Variants in USP15 observed in about 807,000 individuals in gnomAD.
The protein encoded by USP15 is ubiquitin carboxyl-terminal hydrolase 15.
Under a neutral mutation model 127.1 loss-of-function variants are expected in USP15, and 18 were observed. That is an observed-to-expected ratio of 0.14 (90% CI 0.10 to 0.21). The LOEUF (loss-of-function observed/expected upper bound fraction) is 0.21, where lower values mean the gene tolerates loss of function less well. USP15 is among the 10% of genes least tolerant of loss of function. The pLI, the probability that USP15 is intolerant of heterozygous loss-of-function variation, is 1.00. For synonymous variants in USP15, 364 were observed against 393.7 expected (o/e 0.92, Z 0.89); for missense variants, 805 against 1,159.9 (o/e 0.69, Z 4.44).
chr12:62,347,303 G>T (rs1210579335), intron 6 of USP15, among the ~76,000 whole-genome samples: 3 of 150,914 alleles, frequency 2.0e-5, no homozygotes, highest in Non-Finnish European at 4.4e-5. Flanking sequence ...GTGTGTGTGT[G>T]TACATATATA....
At chr12:62,275,345 C>T (rs1229048961) in intron 1 of USP15, among the ~76,000 whole-genome samples, 1 of 150,530 alleles carries the variant, frequency 6.6e-6, no homozygotes, top group Non-Finnish European at 1.5e-5. Context: ...CTATGTAATA[C>T]ATTTAAGCAA....
chr12:62,392,940 A>T, intron 18 of USP15, 113 bp from the exon 19 acceptor site: 1 of 1,186,120 alleles, frequency 8.4e-7, no homozygotes, highest in East Asian at 2.4e-5. Flanking sequence ...TAGGCATACT[A>T]TAATTGCCCA....
intron 4 of USP15, among the ~76,000 whole-genome samples, chr12:62,320,151 C>G (rs2064944830): frequency 6.6e-6 from 1 of 152,194 alleles, no homozygotes; most frequent in South Asian, 2.1e-4. Context: ...TGTTCCCACC[C>G]AAATCTCATG....
chr12:62,385,206 A>T (rs550994697), intron 11 of USP15, among the ~76,000 whole-genome samples: 1 of 151,946 alleles, frequency 6.6e-6, no homozygotes, highest in Non-Finnish European at 1.5e-5. Context: ...ATTCATCAAG[A>T]TACTTAACTA....
intron 8 of USP15, among the ~76,000 whole-genome samples, chr12:62,377,960 AC>A (rs1281816771): frequency 6.6e-6 from 1 of 152,070 alleles, no homozygotes; most frequent in Non-Finnish European, 1.5e-5. Context: ...TAATCCCAGC[AC>A]TTTGGGAAGC....
chr12:62,338,358 T>C (rs1346196811), intron 6 of USP15, among the ~76,000 whole-genome samples: 1 of 152,216 alleles, frequency 6.6e-6, no homozygotes, highest in African/African-American at 2.4e-5. Flanking sequence ...TTATGTTCCT[T>C]GTAGATTCTG....
intron 8 of USP15, among the ~76,000 whole-genome samples, chr12:62,367,366 G>A (rs2066513147): frequency 6.6e-6 from 1 of 152,016 alleles, no homozygotes; most frequent in Non-Finnish European, 1.5e-5. Context: ...CGAGTAGCTG[G>A]GACTCCAGGC....
intron 8 of USP15, among the ~76,000 whole-genome samples, chr12:62,373,983 A>T (rs1338165838): frequency 6.6e-6 from 1 of 152,006 alleles, no homozygotes; most frequent in Non-Finnish European, 1.5e-5. Context: ...GCATTACAGA[A>T]CTAGAGCCAA....
chr12:62,327,777 A>G (rs78241067), intron 6 of USP15: 13,264 of 357,980 alleles, frequency 0.037, 317 homozygotes, highest in African/African-American at 0.057. Flanking sequence ...ATTGGTGAAT[A>G]CAGGTGCTGT....
intron 1 of USP15, among the ~76,000 whole-genome samples, chr12:62,262,697 T>C (rs2063103118): frequency 6.6e-6 from 1 of 152,146 alleles, no homozygotes; most frequent in African/African-American, 2.4e-5. Flanking sequence ...ATAGGTACAG[T>C]GTCTCACTAT....
chr12:62,381,446 C>A (rs770365934), intron 8 of USP15, 44 bp from the exon 9 acceptor site: 2 of 1,498,028 alleles, frequency 1.3e-6, no homozygotes, highest in South Asian at 2.6e-5. Context: ...AAGAAAAATT[C>A]ATTATGATTA....
At chr12:62,401,726 T>G (rs966675356) in intron 21 of USP15, among the ~76,000 whole-genome samples, 3 of 151,700 alleles carry the variant, frequency 2.0e-5, no homozygotes, top group African/African-American at 7.3e-5. Flanking sequence ...TAAAACAAAT[T>G]ACAGATTTAT....
At chr12:62,374,115 C>A (rs956444491) in intron 8 of USP15, among the ~76,000 whole-genome samples, 3 of 151,918 alleles carry the variant, frequency 2.0e-5, no homozygotes, top group African/African-American at 7.2e-5. Flanking sequence ...TTCCATCTAA[C>A]CTTAAAATCC....
At chr12:62,264,182 C>T (rs2063142826) in intron 1 of USP15, among the ~76,000 whole-genome samples, 3 of 152,038 alleles carry the variant, frequency 2.0e-5, no homozygotes. Flanking sequence ...CAGGGTTTCC[C>T]CATGTTACCC....
chr12:62,308,671 C>T (rs548890455), intron 3 of USP15, among the ~76,000 whole-genome samples: 44 of 152,222 alleles, frequency 2.9e-4, no homozygotes, highest in Middle Eastern at 6.8e-3. Context: ...TTGACATGTA[C>T]ATTGTACTTA....
intron 1 of USP15, among the ~76,000 whole-genome samples, chr12:62,281,423 A>G (rs1390087530): frequency 6.6e-6 from 1 of 152,000 alleles, no homozygotes; most frequent in Non-Finnish European, 1.5e-5. Flanking sequence ...TGCAACCTCC[A>G]CCTCCTGGGT....
intron 8 of USP15, among the ~76,000 whole-genome samples, chr12:62,373,508 T>C (rs2066738005): frequency 1.3e-5 from 2 of 151,986 alleles, no homozygotes; most frequent in Non-Finnish European, 2.9e-5. Flanking sequence ...AGATTAATGA[T>C]ATATATTCAA....
At chr12:62,297,139 G>C (rs963665502) in intron 2 of USP15, among the ~76,000 whole-genome samples, 1 of 152,200 alleles carries the variant, frequency 6.6e-6, no homozygotes, top group African/African-American at 2.4e-5. Context: ...GCCAGTTTCT[G>C]TCATGCCTTA....
chr12:62,399,388 A>G (rs1020908792), intron 20 of USP15, among the ~76,000 whole-genome samples: 1 of 152,178 alleles, frequency 6.6e-6, no homozygotes, highest in Non-Finnish European at 1.5e-5. Context: ...CATGGGGTAC[A>G]GTCATATTAG....
Sources: allele counts gnomAD v4.1 joint callset (sites outside exome capture counted in the v4.1 genomes callset), GRCh38; gene constraint gnomAD v4.1.1; transcripts MANE v1.5; gene names NCBI Gene and HGNC (gene_info 2026-07-23, HGNC 2026-07-21).